The following HERC1 variants were observed in gnomAD, a reference collection of about 807,000 sequenced individuals.
HERC1 encodes probable E3 ubiquitin-protein ligase HERC1.
A neutral mutation model predicts 554.3 loss-of-function variants in HERC1; 160 were observed. The ratio of observed to expected loss-of-function variants is 0.29; its 90% CI spans 0.25 to 0.33. The LOEUF is 0.33. Among genes scored for constraint, HERC1 ranks in the 10% least tolerant of loss-of-function variants. The pLI, the probability that HERC1 is intolerant of heterozygous loss-of-function variation, is 1.00. For missense variants in HERC1, 4,919 were observed against 5,918.5 expected (o/e 0.83, Z 5.54); for synonymous variants, 2,175 against 2,131.7 (o/e 1.02, Z -0.56).
intron 1 of HERC1, among the ~76,000 whole-genome samples, chr15:63,815,125 T>G (rs1282751587): frequency 1.3e-5 from 2 of 152,230 alleles, no homozygotes; most frequent in African/African-American, 4.8e-5. Context: ...CAGGTCTTCA[T>G]GCTTTCTATC....
chr15:63,690,467 C>A, intron 32 of HERC1, 74 bp downstream of exon 32: 2 of 881,546 alleles, frequency 2.3e-6, no homozygotes, highest in Non-Finnish European at 1.8e-6. Flanking sequence ...ACTGAAGAGA[C>A]TGTTAAGTAC....
chr15:63,643,053 G>A lies in HERC1; in HGVS notation c.11337C>T (p.Gly3779=), dbSNP rs771899241. The A allele has an allele frequency of 5.1e-5, 81 of 1,601,930 alleles. No individual in the cohort carries two copies. The highest frequency in any genetic ancestry group is 6.7e-5 in the Non-Finnish European group (78 of 1,170,002). ...GLMNIWSLRD[G]SVLQTVVIGS... ...CTATCACAACAGTTTGCAAGACAGA[G>A]CCATCCTAAAATGAGATATATTTAC... is the stretch of plus-strand genomic sequence containing the variant. Residue 3779 remains glycine, a synonymous_variant, in exon 59 of 78, where the codon GGC becomes GGT. Transcript: ENST00000443617.
At position 63,637,621 on chromosome 15, in the gene HERC1, G is replaced by C. The variant is rs764869055; in HGVS notation, c.12116C>G (p.Thr4039Ser). The C allele has an allele frequency of 6.4e-7, 1 of 1,551,618 alleles. No homozygotes were observed. Among genetic ancestry groups the C allele is most frequent in the South Asian group, 1.2e-5 (1 of 83,922 alleles). The change falls in exon 64 of 78, where the codon ACC becomes AGC. Residue 4039 changes from threonine (T) to serine (S), a missense_variant. Around this residue, in one of 11 missense-constraint regions of HERC1, gnomAD observed 122 missense variants for 195.2 expected, o/e 0.63. Transcript: ENST00000443617. ...AQQVICGQNCTFVIQANGTVL... is the reference protein window; with the variant it reads ...AQQVICGQNCSFVIQANGTVL... ...TGTGCCATTGGCCTGGATGACAAAG[G>C]TACAATTCTGACCACAAATGACCTA...
intron 39 of HERC1, 52 bp downstream of exon 39, chr15:63,672,444 C>G: frequency 7.4e-7 from 1 of 1,354,228 alleles, no homozygotes; most frequent in Non-Finnish European, 1.0e-6. Flanking sequence ...ACAACTGTGC[C>G]TTCAGAAACA....
intron 12 of HERC1, among the ~76,000 whole-genome samples, chr15:63,745,856 T>A (rs1243423925): frequency 6.6e-6 from 1 of 152,314 alleles, no homozygotes; most frequent in Admixed American, 6.5e-5. Context: ...TCCCTTTTGA[T>A]TTCTGTAGGG....
At chr15:63,755,119 A>G in intron 6 of HERC1, 110 bp downstream of exon 6, 2 of 725,176 alleles carry the variant, frequency 2.8e-6, no homozygotes, top group Admixed American at 4.6e-5. Flanking sequence ...GCTTAAACTA[A>G]CAAAATAAAT....
intron 1 of HERC1, among the ~76,000 whole-genome samples, chr15:63,825,235 G>A (rs1173021685): frequency 6.6e-6 from 1 of 152,166 alleles, no homozygotes; most frequent in Non-Finnish European, 1.5e-5. Flanking sequence ...CAAGGTGGAG[G>A]TTACAGTGAA....
rs1342974362 is a variant in HERC1 at position 63,626,146 on chromosome 15, C to T, written c.13114G>A (p.Val4372Ile). ...PVPPRAPGVS[V>I]PLQLGLPDTV... is the part of the protein sequence containing the mutation. ...TCAGGCAGGCCCAGCTGCAGAGGTACTGACACACCTGTCCAGAAAGCAAAT... is the reference window on the plus strand; with the variant it reads ...TCAGGCAGGCCCAGCTGCAGAGGTATTGACACACCTGTCCAGAAAGCAAAT... Residue 4372 changes from valine (V) to isoleucine (I), a missense_variant, in exon 71 of 78, where the codon GTA (valine) becomes ATA (isoleucine). Coordinates refer to ENST00000443617, the MANE Select transcript of HERC1 (RefSeq NM_003922.4). 1.2e-6 allele frequency: 2 copies of T among 1,612,036 alleles called. No homozygotes were observed. The highest frequency in any genetic ancestry group is 2.2e-5 in the East Asian group (1 of 44,888).
chr15:63,669,608 A>G lies in HERC1; in HGVS notation c.8136T>C (p.Ser2712=), dbSNP rs1285759849. ...AACTTTGCCTCCTTCCTACTTCATC[A>G]GAAGGAGAGGTTGGTAACGAAGATA... ...PPISSLPTSP[S]DEVGRRQSLT... The change falls in exon 40 of 78, where the codon TCT becomes TCC. Residue 2712 remains serine, a synonymous_variant. Coordinates refer to ENST00000443617, the MANE Select transcript of HERC1 (RefSeq NM_003922.4). 1 of 1,613,488 alleles carries G rather than the reference A, an allele frequency of 6.2e-7. No homozygotes were observed. Among genetic ancestry groups the G allele is most frequent in the South Asian group, 1.1e-5 (1 of 91,074 alleles).
chr15:63,766,488 T>C lies in HERC1; in HGVS notation c.931-2297A>G, dbSNP rs2075782380. On this transcript the variant is annotated intron_variant, in intron 2 of 77. Transcript: ENST00000443617. The stretch of plus-strand genomic sequence containing the variant: ...CTGTAATCCTAGATACTTGAGAGGC[T>C]GAGGCAGGAAAATCGCTTGAACCCA... Among the ~76,000 whole-genome samples, 3 of 152,154 alleles carry C rather than the reference T, an allele frequency of 2.0e-5. No individual in the cohort carries two copies. The South Asian group carries it at 6.2e-4, about 32-fold the overall frequency.
chr15:63,773,533 G>GTATTTTATTTTTTTTTATTT (rs1373901167), intron 2 of HERC1, among the ~76,000 whole-genome samples: 1 of 149,196 alleles, frequency 6.7e-6, no homozygotes, highest in African/African-American at 2.5e-5. Flanking sequence ...TTTTAAATTT[G>GTATTTTATTTTTTTTTATTT]TATTTTATTT....
chr15:63,723,755 T>A (rs12900944), intron 18 of HERC1, among the ~76,000 whole-genome samples: 1 of 151,992 alleles, frequency 6.6e-6, no homozygotes, highest in Admixed American at 6.6e-5. Context: ...CAAGGAACCA[T>A]TGAAAATGCG....
intron 1 of HERC1, among the ~76,000 whole-genome samples, chr15:63,788,874 CAAA>C (rs1161447448): frequency 1.5e-5 from 1 of 67,362 alleles, no homozygotes; most frequent in Admixed American, 1.8e-4. Flanking sequence ...GACTCCGTCT[CAAA>C]AAAAAAAAAA....
chr15:63,642,738 T>A (rs2069132347), intron 59 of HERC1, among the ~76,000 whole-genome samples: 1 of 152,236 alleles, frequency 6.6e-6, no homozygotes, highest in African/African-American at 2.4e-5. Context: ...CTAAGCACTG[T>A]CACCAAAGTA....
chr15:63,647,250 T>C (rs1013126848), intron 55 of HERC1, among the ~76,000 whole-genome samples: 4 of 150,314 alleles, frequency 2.7e-5, no homozygotes, highest in Non-Finnish European at 4.4e-5. Flanking sequence ...CTAGACTCTG[T>C]CTAAAAAAAT....
intron 16 of HERC1, among the ~76,000 whole-genome samples, chr15:63,728,736 A>G (rs899805242): frequency 6.6e-6 from 1 of 152,166 alleles, no homozygotes; most frequent in Non-Finnish European, 1.5e-5. Flanking sequence ...CAAAGAGGAT[A>G]GAAGGCAAAA....
At chr15:63,796,771 T>C (rs1256440495) in intron 1 of HERC1, among the ~76,000 whole-genome samples, 2 of 152,216 alleles carry the variant, frequency 1.3e-5, no homozygotes, top group East Asian at 1.9e-4. Context: ...AGATTGGCAA[T>C]TGGTTGAAAG....
chr15:63,826,308 G>A (rs1242058932), intron 1 of HERC1, among the ~76,000 whole-genome samples: 1 of 151,920 alleles, frequency 6.6e-6, no homozygotes, highest in Non-Finnish European at 1.5e-5. Context: ...TTAAACTCGC[G>A]GTTTAATTTT....
chr15:63,669,327 T>G (rs948613985), intron 40 of HERC1, among the ~76,000 whole-genome samples: 1 of 152,250 alleles, frequency 6.6e-6, no homozygotes, highest in Admixed American at 6.5e-5. Flanking sequence ...CTGATATGAC[T>G]AATGTACAGC....
Sources: gnomAD v4.1 joint callset for allele counts (sites outside exome capture counted in the v4.1 genomes callset) on GRCh38, gnomAD v4.1.1 for gene constraint, gnomAD v4.1.1 regional missense constraint, MANE v1.5 for transcripts, NCBI Gene and HGNC (gene_info 2026-07-23, HGNC 2026-07-21) for gene names.